Variants in EXT2 observed in about 807,000 individuals in gnomAD.
EXT2 encodes exostosin glycosyltransferase 2.
EXT2 carries 53 observed loss-of-function variants against 81.6 expected under a neutral mutation model. The ratio of observed to expected loss-of-function variants is 0.65; its 90% CI spans 0.52 to 0.82. The LOEUF is 0.82. Among genes scored for constraint, EXT2 ranks in the 40% least tolerant of loss-of-function variants. EXT2 has a pLI of 0.00. For missense variants in EXT2, 774 were observed against 910.2 expected, an observed-to-expected ratio of 0.85 and a Z score of 1.93; for synonymous variants, 320 against 340.0, an observed-to-expected ratio of 0.94 and a Z score of 0.65.
chr11:44,123,653 A>G (rs1413258778), intron 4 of EXT2, among the ~76,000 whole-genome samples: 3 of 152,232 alleles, frequency 2.0e-5, no homozygotes, highest in Non-Finnish European at 4.4e-5. Context: ...AAATATTTCA[A>G]TGAGCATTTC....
chr11:44,174,592 A>G (rs1033144572), intron 8 of EXT2, among the ~76,000 whole-genome samples: 7 of 152,102 alleles, frequency 4.6e-5, no homozygotes, highest in African/African-American at 1.7e-4. Context: ...TTTTGCAACT[A>G]TTCTGTTACT....
chr11:44,116,587 C>A (rs766297135), intron 4 of EXT2: 1 of 152,210 alleles, frequency 6.6e-6, no homozygotes, highest in African/African-American at 2.4e-5. Context: ...CTGCCAAACT[C>A]TTTTCCAAAG....
At chr11:44,161,108 A>C (rs7935603) in intron 7 of EXT2, among the ~76,000 whole-genome samples, 36,078 of 152,126 alleles carry the variant, frequency 0.24, 4,474 homozygotes, top group Non-Finnish European at 0.28. Flanking sequence ...GAAATATCTG[A>C]AGTCTCAGTA....
chr11:44,200,634 CCA>C (rs1434438329), intron 9 of EXT2, among the ~76,000 whole-genome samples: 1 of 152,168 alleles, frequency 6.6e-6, no homozygotes, highest in African/African-American at 2.4e-5. Flanking sequence ...AAACCAGCAG[CCA>C]CCTTCCTTTT....
At chr11:44,204,328 T>A (rs762596522) in intron 9 of EXT2, among the ~76,000 whole-genome samples, 1 of 152,260 alleles carries the variant, frequency 6.6e-6, no homozygotes, top group Admixed American at 6.5e-5. Context: ...TATATTTTCA[T>A]GTTTTAAAAT....
intron 4 of EXT2, among the ~76,000 whole-genome samples, chr11:44,119,136 A>G (rs1346287895): frequency 3.5e-5 from 1 of 28,944 alleles, no homozygotes; most frequent in East Asian, 1.5e-3. Flanking sequence ...ATATATATAT[A>G]TATATATATA....
chr11:44,204,147 C>T (rs962750407), intron 9 of EXT2, among the ~76,000 whole-genome samples: 1 of 152,130 alleles, frequency 6.6e-6, no homozygotes, highest in Non-Finnish European at 1.5e-5. Context: ...CCTGAGCATC[C>T]CTGAGATCCT....
At chr11:44,109,590 GCATTTGCCA>G (rs1954113437) in intron 3 of EXT2, among the ~76,000 whole-genome samples, 2 of 152,144 alleles carry the variant, frequency 1.3e-5, no homozygotes, top group Non-Finnish European at 2.9e-5. Flanking sequence ...GAATTCGGGA[GCATTTGCCA>G]CAAGTAGATG....
At position 44,246,426 on chromosome 11, in the gene EXT2, G is replaced by T. The variant is rs1956094173; in HGVS notation, c.*2139G>T. Among the ~76,000 whole-genome samples the T allele has an allele frequency of 6.6e-6, 1 of 152,124 alleles. No homozygotes were observed. Reference sequence around the variant, plus strand: ...TCTTGAGAGTCCTTTGATTTGGGAAGAGGAACTCTTTCATCTGAGTTCATT... The same window carrying T: ...TCTTGAGAGTCCTTTGATTTGGGAATAGGAACTCTTTCATCTGAGTTCATT... On this transcript the variant is annotated 3_prime_UTR_variant, in exon 14 of 14. Coordinates refer to ENST00000533608, the MANE Select transcript of EXT2 (RefSeq NM_207122.2).
Position 44,244,146 on chromosome 11 carries a change from CA to C in EXT2, c.2019-2del, listed in dbSNP as rs747852029. On this transcript the variant is annotated splice_acceptor_variant, in intron 13 of 13. Coordinates refer to ENST00000533608, the MANE Select transcript of EXT2 (RefSeq NM_207122.2). LOFTEE classifies it high-confidence loss of function. Reference sequence around the variant, plus strand: ...CTCCCCACCTCCTCTCCAAATCCCACAGGTCAGAGTGCATCAACAAGTTTGC... The same window carrying C: ...CTCCCCACCTCCTCTCCAAATCCCACGGTCAGAGTGCATCAACAAGTTTGC... 5 of 1,613,848 alleles carry C rather than the reference CA, an allele frequency of 3.1e-6. No individual in the cohort carries two copies. Among genetic ancestry groups the C allele is most frequent in the Non-Finnish European group, 4.2e-6 (5 of 1,179,914 alleles).
chr11:44,241,568 G>A (rs1434158585), intron 13 of EXT2, among the ~76,000 whole-genome samples: 1 of 152,140 alleles, frequency 6.6e-6, no homozygotes, highest in South Asian at 2.1e-4. Flanking sequence ...TTTCCTTCCC[G>A]GTTTCCCCAG....
intron 10 of EXT2, among the ~76,000 whole-genome samples, chr11:44,215,009 C>T (rs1955700925): frequency 6.6e-6 from 1 of 152,132 alleles, no homozygotes; most frequent in Non-Finnish European, 1.5e-5. Context: ...AATCCTCCTG[C>T]CTCGGCCTCC....
chr11:44,236,240 T>A, intron 12 of EXT2, 53 bp from the exon 13 acceptor site: 1 of 1,535,624 alleles, frequency 6.5e-7, no homozygotes, highest in South Asian at 1.1e-5. Flanking sequence ...ACAAGCATGA[T>A]TTTATTGTCC....
At chr11:44,169,835 T>C (rs1955046388) in intron 7 of EXT2, among the ~76,000 whole-genome samples, 1 of 152,140 alleles carries the variant, frequency 6.6e-6, no homozygotes, top group African/African-American at 2.4e-5. Context: ...TTTGATTTTT[T>C]GGATTTAGGA....
chr11:44,224,826 AAT>A (rs1446112610), intron 10 of EXT2, among the ~76,000 whole-genome samples: 1 of 152,176 alleles, frequency 6.6e-6, no homozygotes, highest in Non-Finnish European at 1.5e-5. Context: ...GGACAGAGCT[AAT>A]ATCTTTGATC....
intron 10 of EXT2, among the ~76,000 whole-genome samples, chr11:44,230,069 G>C (rs1955880822): frequency 6.6e-6 from 1 of 152,228 alleles, no homozygotes; most frequent in Non-Finnish European, 1.5e-5. Context: ...AGCGAGGAGT[G>C]GCTGGTTGCG....
chr11:44,107,618 T>A (rs1248300165), intron 1 of EXT2, 65 bp from the exon 2 acceptor site: 4 of 1,454,560 alleles, frequency 2.7e-6, no homozygotes, highest in Non-Finnish European at 3.7e-6. Flanking sequence ...GGTTGAATAG[T>A]CTTTTCAAGT....
At chr11:44,145,584 AC>A (rs1220671756) in intron 7 of EXT2, among the ~76,000 whole-genome samples, 1 of 152,174 alleles carries the variant, frequency 6.6e-6, no homozygotes, top group Non-Finnish European at 1.5e-5. Flanking sequence ...TGTGTCTGGT[AC>A]TGTACTGGGA....
intron 2 of EXT2, 107 bp downstream of exon 2, chr11:44,108,355 C>G: frequency 8.2e-7 from 1 of 1,221,152 alleles, no homozygotes; most frequent in Non-Finnish European, 1.2e-6. Context: ...GTTGGTTTCC[C>G]GATGCTGTCT....
Sources: gnomAD v4.1 joint callset for allele counts (sites outside exome capture counted in the v4.1 genomes callset) on GRCh38, gnomAD v4.1.1 for gene constraint, MANE v1.5 for transcripts, NCBI Gene and HGNC (gene_info 2026-07-23, HGNC 2026-07-21) for gene names.